MTUS2: variants seen among roughly 807,000 people sequenced by gnomAD.
The protein encoded by MTUS2 is microtubule-associated tumor suppressor candidate 2.
A neutral mutation model predicts 114.1 loss-of-function variants in MTUS2; 40 were observed. The ratio of observed to expected loss-of-function variants is 0.35; its 90% confidence interval spans 0.27 to 0.46. The LOEUF (loss-of-function observed/expected upper bound fraction) is 0.46, where lower values mean the gene tolerates loss of function less well. MTUS2 is among the 20% of genes least tolerant of loss of function. The pLI, the probability that MTUS2 is intolerant of heterozygous loss-of-function variation, is 1.00. For missense variants in MTUS2, 1,679 were observed against 1,705.4 expected (o/e 0.98, Z 0.27); for synonymous variants, 688 against 672.0 (o/e 1.02, Z -0.37).
intron 2 of MTUS2, among the ~76,000 whole-genome samples, chr13:28,855,224 A>G (rs1222358393): frequency 6.6e-6 from 1 of 152,032 alleles, no homozygotes; most frequent in Non-Finnish European, 1.5e-5. Flanking sequence ...CTTTAGTAGC[A>G]TAATTCTATC....
At chr13:28,901,236 A>G (rs964793405) in intron 2 of MTUS2, among the ~76,000 whole-genome samples, 1 of 151,934 alleles carries the variant, frequency 6.6e-6, no homozygotes, top group Non-Finnish European at 1.5e-5. Flanking sequence ...TTGACTTTTG[A>G]GAGTTCTTTA....
At chr13:28,830,056 C>T (rs1414525517) in intron 1 of MTUS2, among the ~76,000 whole-genome samples, 1 of 152,084 alleles carries the variant, frequency 6.6e-6, no homozygotes, top group Non-Finnish European at 1.5e-5. Flanking sequence ...AATCTCTGTA[C>T]CGTCATTAGC....
chr13:29,491,226 G>T (rs1882051669), intron 11 of MTUS2, among the ~76,000 whole-genome samples: 1 of 146,054 alleles, frequency 6.8e-6, no homozygotes, highest in East Asian at 2.1e-4. Flanking sequence ...TATGTACAAA[G>T]GTGTGGGTGC....
chr13:29,177,576 C>T (rs1220599937), intron 5 of MTUS2, among the ~76,000 whole-genome samples: 2 of 152,130 alleles, frequency 1.3e-5, no homozygotes, highest in Non-Finnish European at 2.9e-5. Context: ...AGTGCTTTCT[C>T]AGTAGATTCA....
At chr13:29,107,430 C>T (rs1327526772) in intron 5 of MTUS2, among the ~76,000 whole-genome samples, 1 of 152,074 alleles carries the variant, frequency 6.6e-6, no homozygotes, top group African/African-American at 2.4e-5. Flanking sequence ...ACTTAGGTAT[C>T]TTTGAGAGTA....
Position 28,968,760 on chromosome 13 carries a change from A to G in MTUS2, c.-242-55697A>G, listed in dbSNP as rs58239113. ...CTTCTTTGAAGATTTTTAACTTTTTAAACTTTGTCTTTTCTGAATTCTACT... is the reference window on the plus strand; with the variant it reads ...CTTCTTTGAAGATTTTTAACTTTTTGAACTTTGTCTTTTCTGAATTCTACT... On this transcript the variant is annotated intron_variant, in intron 2 of 15. Coordinates refer to ENST00000612955, the MANE Select transcript of MTUS2 (RefSeq NM_001033602.4). 9.5e-3 allele frequency among the ~76,000 whole-genome samples: 1,453 copies of G among 152,320 alleles called. 34 individuals are homozygous for G. Among genetic ancestry groups the G allele is most frequent in the African/African-American group, 0.033 (1,374 of 41,570 alleles).
At chr13:29,107,752 A>G (rs1248553631) in intron 5 of MTUS2, among the ~76,000 whole-genome samples, 2 of 152,168 alleles carry the variant, frequency 1.3e-5, no homozygotes, top group Non-Finnish European at 2.9e-5. Flanking sequence ...TCGTGAGAGA[A>G]TTTCAAAGTT....
At chr13:29,308,305 A>T (rs547876723) in intron 6 of MTUS2, among the ~76,000 whole-genome samples, 5 of 152,348 alleles carry the variant, frequency 3.3e-5, no homozygotes, top group Non-Finnish European at 7.3e-5. Flanking sequence ...AGCAATGGGG[A>T]AAGGATTCCC....
intron 9 of MTUS2, among the ~76,000 whole-genome samples, chr13:29,475,605 C>T (rs986170510): frequency 5.9e-5 from 9 of 151,366 alleles, no homozygotes; most frequent in Non-Finnish European, 1.0e-4. Context: ...TGTAGGCTTA[C>T]GCTAATATAT....
At chr13:28,975,413 T>A (rs1884044430) in intron 2 of MTUS2, among the ~76,000 whole-genome samples, 1 of 152,088 alleles carries the variant, frequency 6.6e-6, no homozygotes, top group African/African-American at 2.4e-5. Flanking sequence ...CGGCTCTGAC[T>A]CTCCACAGTG....
chr13:28,967,582 GC>G (rs1396608135), intron 2 of MTUS2, among the ~76,000 whole-genome samples: 4 of 152,114 alleles, frequency 2.6e-5, no homozygotes, highest in Non-Finnish European at 4.4e-5. Flanking sequence ...GTTGTTGGAG[GC>G]CATTCTGAAT....
chr13:29,182,845 C>G (rs185660226), intron 5 of MTUS2, among the ~76,000 whole-genome samples: 1 of 152,254 alleles, frequency 6.6e-6, no homozygotes, highest in African/African-American at 2.4e-5. Flanking sequence ...TGGGAACAAC[C>G]ACTGTGGGGG....
At chr13:28,975,255 A>G (rs1884035735) in intron 2 of MTUS2, among the ~76,000 whole-genome samples, 1 of 151,892 alleles carries the variant, frequency 6.6e-6, no homozygotes, top group African/African-American at 2.4e-5. Context: ...TCTTATTTTA[A>G]GTCTCTTGAT....
At chr13:29,444,304 C>T (rs1878118002) in intron 9 of MTUS2, among the ~76,000 whole-genome samples, 1 of 152,164 alleles carries the variant, frequency 6.6e-6, no homozygotes, top group African/African-American at 2.4e-5. Flanking sequence ...TGGTGGGTGC[C>T]TGTAATCCCA....
At chr13:29,063,159 C>G (rs1888501440) in intron 4 of MTUS2, among the ~76,000 whole-genome samples, 1 of 152,112 alleles carries the variant, frequency 6.6e-6, no homozygotes, top group African/African-American at 2.4e-5. Flanking sequence ...AAAGGCAGTA[C>G]TTTTCTACAC....
At chr13:29,396,681 T>G (rs1873939299) in intron 8 of MTUS2, among the ~76,000 whole-genome samples, 1 of 152,242 alleles carries the variant, frequency 6.6e-6, no homozygotes, top group South Asian at 2.1e-4. Context: ...ACTGCATGTC[T>G]GCAATTCCTT....
intron 7 of MTUS2, among the ~76,000 whole-genome samples, chr13:29,336,391 C>T (rs1430905500): frequency 6.6e-6 from 1 of 152,182 alleles, no homozygotes; most frequent in African/African-American, 2.4e-5. Context: ...TTCTAACATT[C>T]AGGCCCCTCT....
chr13:29,049,053 C>T (rs372860688), intron 4 of MTUS2, among the ~76,000 whole-genome samples: 7 of 152,240 alleles, frequency 4.6e-5, no homozygotes, highest in East Asian at 3.9e-4. Flanking sequence ...CTGTCTGACC[C>T]GTTAAGAAAA....
At chr13:29,424,658 T>C (rs1384011095) in intron 8 of MTUS2, among the ~76,000 whole-genome samples, 1 of 152,214 alleles carries the variant, frequency 6.6e-6, no homozygotes, top group Non-Finnish European at 1.5e-5. Flanking sequence ...ACCTCTGAGA[T>C]GTTATCCCCA....
Sources: allele counts gnomAD v4.1 joint callset (sites outside exome capture counted in the v4.1 genomes callset), GRCh38; gene constraint gnomAD v4.1.1; transcripts MANE v1.5; gene names NCBI Gene and HGNC (gene_info 2026-07-23, HGNC 2026-07-21).